Variants in CNGB3 observed in about 807,000 individuals in gnomAD.
CNGB3 encodes cyclic nucleotide gated channel subunit beta 3.
A neutral mutation model predicts 92.8 loss-of-function variants in CNGB3; 86 were observed. The observed-to-expected ratio is 0.93, with a 90% CI of 0.78 to 1.11. CNGB3 has a LOEUF of 1.11. CNGB3 is among the 50% of genes least tolerant of loss of function. The pLI is 0.00. For missense variants in CNGB3, 1,026 were observed against 956.8 expected, an observed-to-expected ratio of 1.07 and a Z score of -0.95; for synonymous variants, 333 against 332.7, an observed-to-expected ratio of 1.00 and a Z score of -0.01.
chr8:86,577,874 C>T (rs924845064), intron 17 of CNGB3, among the ~76,000 whole-genome samples: 1 of 152,122 alleles, frequency 6.6e-6, no homozygotes, highest in Non-Finnish European at 1.5e-5. Flanking sequence ...GAAAGCATGG[C>T]ACTAAAAGTG....
chr8:86,626,162 A>G, intron 12 of CNGB3, 82 bp from the exon 13 acceptor site: 2 of 1,008,920 alleles, frequency 2.0e-6, no homozygotes, highest in South Asian at 2.7e-5. Context: ...AAAAATTTTT[A>G]AAATAAAGGA....
At chr8:86,720,974 T>A (rs1002322455) in intron 3 of CNGB3, among the ~76,000 whole-genome samples, 12 of 151,274 alleles carry the variant, frequency 7.9e-5, no homozygotes, top group Non-Finnish European at 1.3e-4. Flanking sequence ...TAATAATTAT[T>A]ATTATTTTTT....
chr8:86,576,105 TCTC>T lies in CNGB3; in HGVS notation c.2126_2128del (p.Gly709del), dbSNP rs749597083. On this transcript the variant is annotated inframe_deletion, in exon 18 of 18. Coordinates refer to ENST00000320005, the MANE Select transcript of CNGB3 (RefSeq NM_019098.5). ...ATCTTCATTTTCTTTTCCTTCTTCC[TCTC>T]CTCCTTCAGAATTTTCTTTCTTCTG... 4.4e-6 allele frequency: 7 copies of T among 1,604,526 alleles called. No individual in the cohort carries two copies. The highest frequency in any genetic ancestry group is 4.2e-6 in the Non-Finnish European group (5 of 1,177,916).
intron 3 of CNGB3, among the ~76,000 whole-genome samples, chr8:86,698,309 T>G (rs768636766): frequency 2.0e-5 from 3 of 152,222 alleles, no homozygotes; most frequent in African/African-American, 7.2e-5. Context: ...CAGGGACAAA[T>G]AACAGATTTG....
At chr8:86,671,153 G>A (rs1823854564) in intron 3 of CNGB3, 55 bp from the exon 4 acceptor site, 2 of 1,586,808 alleles carry the variant, frequency 1.3e-6, no homozygotes, top group East Asian at 2.2e-5. Flanking sequence ...ATAGATATAA[G>A]GGAAAGATTA....
chr8:86,653,723 G>A (rs1411768301), intron 7 of CNGB3, among the ~76,000 whole-genome samples: 1 of 152,084 alleles, frequency 6.6e-6, no homozygotes, highest in Non-Finnish European at 1.5e-5. Flanking sequence ...GAATTTTGTA[G>A]ACAAGACAAA....
intron 12 of CNGB3, among the ~76,000 whole-genome samples, chr8:86,626,944 A>C (rs536170053): frequency 1.4e-4 from 22 of 151,898 alleles, no homozygotes; most frequent in African/African-American, 4.3e-4. Flanking sequence ...AGATTATTTC[A>C]TCACCCAGGT....
chr8:86,644,698 AG>A lies in CNGB3; in HGVS notation c.991-13del. The stretch of plus-strand genomic sequence containing the variant: ...AAAAATGAAGTGTACTATATAGAAA[AG>A]CAAAAGAAATCCAAAAGCATGTTAG... On this transcript the variant is annotated splice_polypyrimidine_tract_variant and intron_variant, in intron 8 of 17. Coordinates refer to ENST00000320005, the MANE Select transcript of CNGB3 (RefSeq NM_019098.5). 4.0e-6 allele frequency: 6 copies of A among 1,502,290 alleles called. No individual in the cohort carries two copies. Among genetic ancestry groups the A allele is most frequent in the Non-Finnish European group, 5.4e-6 (6 of 1,118,874 alleles). 93.1% of individuals were successfully genotyped at this position (1,502,290 alleles called of 1,614,324 possible).
chr8:86,626,888 G>A (rs111699810), intron 12 of CNGB3, among the ~76,000 whole-genome samples: 1 of 151,350 alleles, frequency 6.6e-6, no homozygotes, highest in Non-Finnish European at 1.5e-5. Context: ...GGGTACATGT[G>A]CAAGTTTGTT....
At chr8:86,644,802 T>TAA in intron 8 of CNGB3, 116 bp from the exon 9 acceptor site, 1 of 727,298 alleles carries the variant, frequency 1.4e-6, no homozygotes, top group Non-Finnish European at 1.9e-6. Context: ...TATGTCTTTT[T>TAA]AAAAAAACCA....
At chr8:86,647,653 A>G (rs1444826007) in intron 8 of CNGB3, 148 bp downstream of exon 8, 1 of 576,640 alleles carries the variant, frequency 1.7e-6, no homozygotes, top group Non-Finnish European at 3.1e-6. Flanking sequence ...TATAGCATTG[A>G]TGAGGGCAGA....
At chr8:86,619,609 A>C (rs530460259) in intron 13 of CNGB3, among the ~76,000 whole-genome samples, 1 of 151,912 alleles carries the variant, frequency 6.6e-6, no homozygotes, top group Non-Finnish European at 1.5e-5. Context: ...AAAAACCTAC[A>C]TGAGATTCAG....
At chr8:86,683,961 A>G (rs1005229500) in intron 3 of CNGB3, among the ~76,000 whole-genome samples, 1 of 152,204 alleles carries the variant, frequency 6.6e-6, no homozygotes, top group Non-Finnish European at 1.5e-5. Context: ...AATACAGTCC[A>G]TGAAAGCAAA....
intron 14 of CNGB3, among the ~76,000 whole-genome samples, chr8:86,605,643 G>GA (rs1159803489): frequency 1.3e-5 from 2 of 151,998 alleles, no homozygotes; most frequent in African/African-American, 2.4e-5. Context: ...TTCTTTGGAA[G>GA]AAAAAAATAT....
In CNGB3 at chr8:86,668,157, C is replaced by T. The variant is rs1161966967; in HGVS notation, c.505G>A (p.Ala169Thr). The change falls in exon 5 of 18, where the codon GCT becomes ACT. Residue 169 changes from alanine to threonine, a missense_variant. Physicochemically the swap from Ala to Thr is moderately conservative, Grantham distance 58. Coordinates refer to ENST00000320005, the MANE Select transcript of CNGB3 (RefSeq NM_019098.5). ...EASPQTAKPT[A>T]VPPVKESDDK... ...TCGCTTTCTTTTACTGGTGGTACAGCCGTGGGCTTTGCTTCATAGGGAAAA... is the reference window on the plus strand; with the variant it reads ...TCGCTTTCTTTTACTGGTGGTACAGTCGTGGGCTTTGCTTCATAGGGAAAA... 1 of 1,612,482 alleles carries T rather than the reference C, an allele frequency of 6.2e-7. No individual in the cohort carries two copies. The highest frequency in any genetic ancestry group is 1.3e-5 in the African/African-American group (1 of 74,628).
chr8:86,675,878 A>C (rs1217826028), intron 3 of CNGB3, among the ~76,000 whole-genome samples: 1 of 152,254 alleles, frequency 6.6e-6, no homozygotes, highest in African/African-American at 2.4e-5. Flanking sequence ...GGCACAGGCC[A>C]ACAAAATTGT....
intron 6 of CNGB3, among the ~76,000 whole-genome samples, chr8:86,665,152 A>G (rs901798363): frequency 6.6e-6 from 1 of 152,210 alleles, no homozygotes; most frequent in Non-Finnish European, 1.5e-5. Context: ...ATAGCCAAAA[A>G]ACAAGTGAAA....
intron 3 of CNGB3, among the ~76,000 whole-genome samples, chr8:86,722,083 G>A (rs1824981741): frequency 6.6e-6 from 1 of 152,106 alleles, no homozygotes; most frequent in African/African-American, 2.4e-5. Flanking sequence ...ATATACTATA[G>A]TGTAAAAGTC....
chr8:86,733,562 G>T (rs950694455), intron 2 of CNGB3, among the ~76,000 whole-genome samples: 3 of 152,172 alleles, frequency 2.0e-5, no homozygotes, highest in African/African-American at 7.2e-5. Context: ...TTGTAGGAGG[G>T]TCTCTCTTCC....
Sources: allele counts gnomAD v4.1 joint callset (sites outside exome capture counted in the v4.1 genomes callset), GRCh38; gene constraint gnomAD v4.1.1; transcripts MANE v1.5; gene names NCBI Gene and HGNC (gene_info 2026-07-23, HGNC 2026-07-21).